The following ERBB4 variants were observed in gnomAD, a reference collection of about 807,000 sequenced individuals.
ERBB4 encodes the protein erb-b2 receptor tyrosine kinase 4, also known as receptor tyrosine-protein kinase erbB-4.
In ERBB4, 42 loss-of-function variants were observed where a neutral mutation model predicts 158.0. The ratio of observed to expected loss-of-function variants is 0.27; its 90% CI spans 0.21 to 0.34. The LOEUF (loss-of-function observed/expected upper bound fraction) is 0.34, where lower values mean the gene tolerates loss of function less well. Among genes scored for constraint, ERBB4 ranks in the 10% least tolerant of loss-of-function variants. The pLI is 1.00. For synonymous variants in ERBB4, 583 were observed against 558.7 expected (o/e 1.04, Z -0.61); for missense variants, 1,333 against 1,624.1 (o/e 0.82, Z 3.08).
chr2:212,387,662 C>T (rs1342111755), intron 1 of ERBB4, among the ~76,000 whole-genome samples: 1 of 152,050 alleles, frequency 6.6e-6, no homozygotes, highest in Non-Finnish European at 1.5e-5. Flanking sequence ...AGGTGATCCA[C>T]CCACCTTGGC....
chr2:212,082,471 C>T (rs548607674), intron 2 of ERBB4, among the ~76,000 whole-genome samples: 1 of 151,990 alleles, frequency 6.6e-6, no homozygotes, highest in African/African-American at 2.4e-5. Context: ...TTTATAAGGG[C>T]ATTTGCATAC....
At chr2:211,657,683 G>T in intron 16 of ERBB4, 71 bp downstream of exon 16, 2 of 1,142,750 alleles carry the variant, frequency 1.8e-6, no homozygotes, top group South Asian at 1.2e-5. Context: ...TAACCCAACT[G>T]GTTAGTACTT....
At position 212,279,367 on chromosome 2, in the gene ERBB4, T is replaced by C. The variant is rs566395347; in HGVS notation, c.83-154464A>G. On this transcript the variant is annotated intron_variant, in intron 1 of 27. Coordinates refer to ENST00000342788, the MANE Select transcript of ERBB4 (RefSeq NM_005235.3). ...AAAATTTAAAACTTCATACAAATAA[T>C]AGAACGCTGCTGATTTCTATTTGTA... Among the ~76,000 whole-genome samples, 5 of 151,724 alleles carry C rather than the reference T, an allele frequency of 3.3e-5. No homozygotes were observed. The South Asian group carries it at 6.2e-4, about 19-fold the overall frequency.
At chr2:211,682,085 C>CACACACACACACACACACAT (rs59564874) in intron 12 of ERBB4, among the ~76,000 whole-genome samples, 54 of 149,716 alleles carry the variant, frequency 3.6e-4, no homozygotes, top group African/African-American at 1.2e-3. Flanking sequence ...CACACACACA[C>CACACACACACACACACACAT]ACACACAATT....
At chr2:211,967,693 T>C (rs549556081) in intron 2 of ERBB4, among the ~76,000 whole-genome samples, 40 of 152,150 alleles carry the variant, frequency 2.6e-4, no homozygotes, top group African/African-American at 9.1e-4. Context: ...TACAATGCAA[T>C]GGTATCAAGC....
At chr2:212,198,479 C>A (rs1443532173) in intron 1 of ERBB4, among the ~76,000 whole-genome samples, 1 of 152,160 alleles carries the variant, frequency 6.6e-6, no homozygotes, top group Admixed American at 6.5e-5. Context: ...TAATATTTCT[C>A]ATTTTATGAC....
chr2:211,628,811 C>A (rs1392959667), intron 17 of ERBB4, among the ~76,000 whole-genome samples: 4 of 152,284 alleles, frequency 2.6e-5, no homozygotes, highest in Non-Finnish European at 4.4e-5. Context: ...TCCTATTTCT[C>A]CACATCCTCT....
intron 1 of ERBB4, among the ~76,000 whole-genome samples, chr2:212,282,488 C>T (rs896745478): frequency 2.0e-5 from 3 of 151,860 alleles, no homozygotes; most frequent in African/African-American, 4.8e-5. Context: ...TTTGATTATT[C>T]GACTTGTATG....
chr2:211,557,630 TG>T (rs1333582998), intron 20 of ERBB4, among the ~76,000 whole-genome samples: 1 of 147,312 alleles, frequency 6.8e-6, no homozygotes, highest in Non-Finnish European at 1.5e-5. Context: ...TATACATTGT[TG>T]TTCCTTATAA....
At chr2:211,838,259 G>A (rs1431143023) in intron 3 of ERBB4, among the ~76,000 whole-genome samples, 3 of 151,958 alleles carry the variant, frequency 2.0e-5, no homozygotes, top group Admixed American at 6.6e-5. Context: ...GTGGGGGATG[G>A]TGGTGGTATT....
At chr2:212,299,877 GTT>G (rs774666730) in intron 1 of ERBB4, among the ~76,000 whole-genome samples, 60 of 151,590 alleles carry the variant, frequency 4.0e-4, no homozygotes, top group Non-Finnish European at 7.5e-4. Context: ...CAGAAATTTT[GTT>G]TGTTTCAAGT....
chr2:211,958,893 G>A (rs910452555), intron 2 of ERBB4, among the ~76,000 whole-genome samples: 1 of 151,928 alleles, frequency 6.6e-6, no homozygotes, highest in Non-Finnish European at 1.5e-5. Flanking sequence ...TATCCTAAAA[G>A]TCTCAAAATC....
intron 1 of ERBB4, among the ~76,000 whole-genome samples, chr2:212,354,839 T>G (rs991569146): frequency 2.0e-5 from 3 of 152,074 alleles, no homozygotes; most frequent in Non-Finnish European, 2.9e-5. Flanking sequence ...TTGGAAATAC[T>G]TATATATCTG....
At chr2:211,919,716 G>A (rs2079805350) in intron 3 of ERBB4, among the ~76,000 whole-genome samples, 1 of 151,950 alleles carries the variant, frequency 6.6e-6, no homozygotes, top group African/African-American at 2.4e-5. Flanking sequence ...AGTGATTAGT[G>A]TTATGGCACC....
intron 25 of ERBB4, among the ~76,000 whole-genome samples, chr2:211,415,277 C>T (rs536701072): frequency 2.0e-5 from 3 of 152,056 alleles, no homozygotes; most frequent in South Asian, 2.1e-4. Flanking sequence ...CCACCACGCC[C>T]GGCTAATTTT....
At chr2:212,187,156 A>G (rs1484156422) in intron 1 of ERBB4, among the ~76,000 whole-genome samples, 1 of 152,124 alleles carries the variant, frequency 6.6e-6, no homozygotes, top group Admixed American at 6.6e-5. Context: ...ACAGTCAAAG[A>G]TGATCTAGAC....
At chr2:212,084,639 C>T (rs1046181142) in intron 2 of ERBB4, among the ~76,000 whole-genome samples, 1 of 151,830 alleles carries the variant, frequency 6.6e-6, no homozygotes, top group Non-Finnish European at 1.5e-5. Flanking sequence ...GTGAGATAGT[C>T]GTAGGTTTGA....
intron 20 of ERBB4, among the ~76,000 whole-genome samples, chr2:211,536,949 A>C (rs181326997): frequency 8.5e-4 from 130 of 152,072 alleles, no homozygotes; most frequent in Non-Finnish European, 1.6e-3. Flanking sequence ...CAAAACAAAA[A>C]AAAACCACCT....
chr2:211,506,874 C>T (rs1290511944), intron 20 of ERBB4, among the ~76,000 whole-genome samples: 1 of 151,828 alleles, frequency 6.6e-6, no homozygotes, highest in Non-Finnish European at 1.5e-5. Context: ...AAAATTAGAG[C>T]AGAACTAAAT....
Sources: allele counts gnomAD v4.1 joint callset (sites outside exome capture counted in the v4.1 genomes callset), GRCh38; gene constraint gnomAD v4.1.1; transcripts MANE v1.5; gene names NCBI Gene and HGNC (gene_info 2026-07-23, HGNC 2026-07-21).